PC: variants seen among roughly 807,000 people sequenced by gnomAD.
The protein encoded by PC is pyruvate carboxylase, also known as pyruvate carboxylase, mitochondrial.
Under a neutral mutation model 107.8 loss-of-function variants are expected in PC, and 46 were observed. The observed-to-expected ratio is 0.43, with a 90% CI of 0.34 to 0.55. PC has a LOEUF of 0.55. Ranked by LOEUF, PC falls within the 20% of genes least tolerant of loss-of-function variation. The pLI, the probability that PC is intolerant of heterozygous loss-of-function variation, is 0.04. For synonymous variants in PC, 662 were observed against 684.7 expected (o/e 0.97, Z 0.52); for missense variants, 1,241 against 1,643.1 (o/e 0.76, Z 4.23).
chr11:66,903,280 C>T (rs1280939187), intron 3 of PC, among the ~76,000 whole-genome samples: 1 of 152,076 alleles, frequency 6.6e-6, no homozygotes, highest in Non-Finnish European at 1.5e-5. Flanking sequence ...GAGGGCATGT[C>T]TTATAATAAT....
chr11:66,872,893 C>T (rs1045621274), intron 3 of PC, among the ~76,000 whole-genome samples: 4 of 151,736 alleles, frequency 2.6e-5, no homozygotes, highest in African/African-American at 4.8e-5. Flanking sequence ...AAAAATTAGC[C>T]GGGCATGGTG....
rs1400879942 is a variant in PC at position 66,871,333 on chromosome 11, C to T, written c.469G>A (p.Ala157Thr). 6.2e-7 allele frequency: 1 copy of T among 1,613,858 alleles called. No homozygotes were observed. The highest frequency in any genetic ancestry group is 2.2e-5 in the East Asian group (1 of 44,886). ...TATTCACCCGCAGCAATGGCGATGG[C>T]CCGGGCCTCCACCTTGTCTCCCATC... The part of the protein sequence containing the change: ...RKMGDKVEAR[A>T]IAIAAGVPVV... The change falls in exon 6 of 23, where the codon GCC becomes ACC. Residue 157 changes from alanine to threonine, a missense_variant. Physicochemically the swap from Ala to Thr is moderately conservative, Grantham distance 58. This residue lies in a region of PC where 1,143 missense variants were observed against 1,551.9 expected (regional missense o/e 0.74). Coordinates refer to ENST00000393960, the MANE Select transcript of PC (RefSeq NM_001040716.2). This position sits in a 1 kb window ranked among gnomAD's most constrained non-coding sequence, Gnocchi z 7.4.
intron 3 of PC, among the ~76,000 whole-genome samples, chr11:66,916,213 C>G (rs773212602): frequency 1.3e-5 from 2 of 152,182 alleles, no homozygotes; most frequent in Non-Finnish European, 2.9e-5. Context: ...CTGTAGACAG[C>G]AAGCCTGTCC....
chr11:66,927,379 C>T (rs1166793161), intron 3 of PC, among the ~76,000 whole-genome samples: 1 of 150,342 alleles, frequency 6.7e-6, no homozygotes, highest in African/African-American at 2.5e-5. Flanking sequence ...CACACAGCAG[C>T]CCAGGAATGC....
chr11:66,917,770 G>A (rs907079378), intron 3 of PC, among the ~76,000 whole-genome samples: 1 of 152,206 alleles, frequency 6.6e-6, no homozygotes, highest in African/African-American at 2.4e-5. Flanking sequence ...TAATAACGGA[G>A]AAATTTATCT....
At chr11:66,918,474 C>T (rs1054941322) in intron 3 of PC, among the ~76,000 whole-genome samples, 11 of 151,862 alleles carry the variant, frequency 7.2e-5, no homozygotes, top group Admixed American at 2.0e-4. Flanking sequence ...CTGCAGCCTC[C>T]GCCTCCTGGG....
chr11:66,943,858 C>T (rs1949217207), intron 3 of PC, among the ~76,000 whole-genome samples: 1 of 147,382 alleles, frequency 6.8e-6, no homozygotes, highest in Middle Eastern at 3.6e-3. Context: ...GTGGCAGGCG[C>T]GTGTATTCCC....
chr11:66,868,929 C>G lies in PC; in HGVS notation c.939G>C (p.Leu313=), dbSNP rs1946613368. The change falls in exon 10 of 23, where the codon CTG becomes CTC. Residue 313 remains leucine, a synonymous_variant. Coordinates refer to ENST00000393960, the MANE Select transcript of PC (RefSeq NM_001040716.2). ...AGTAGTGCTTGCCGTGCCTGTCCAC[C>G]AGGAACTCCACGGTGCCTGCGTTCT... The part of the protein sequence containing the change: ...GYENAGTVEF[L]VDRHGKHYFI... 1.9e-6 allele frequency: 3 copies of G among 1,613,832 alleles called. No homozygotes were observed. In the South Asian group the frequency reaches 3.3e-5, roughly 18 times the overall value.
At chr11:66,883,201 G>A (rs1947246303) in intron 3 of PC, among the ~76,000 whole-genome samples, 1 of 152,204 alleles carries the variant, frequency 6.6e-6, no homozygotes. Context: ...CTGGCGCCAT[G>A]GTCTCGGGAC....
intron 3 of PC, among the ~76,000 whole-genome samples, chr11:66,889,905 T>C (rs1947505283): frequency 6.6e-6 from 1 of 151,566 alleles, no homozygotes; most frequent in South Asian, 2.1e-4. Flanking sequence ...ATAAATGATA[T>C]AATCATTTTA....
chr11:66,908,996 G>A (rs1459329046), intron 3 of PC, among the ~76,000 whole-genome samples: 1 of 152,202 alleles, frequency 6.6e-6, no homozygotes, highest in South Asian at 2.1e-4. Flanking sequence ...CCCGGAAGGT[G>A]AGCTCAGAAT....
At position 66,870,180 on chromosome 11, in the gene PC, C is replaced by T; in HGVS notation, c.903+122G>A. ...CCCCAGGAGAGTCCTTCACCCTCTT[C>T]TCCCCATCCCCAGTCCCCAGAAGGG... On this transcript the variant is annotated intron_variant, in intron 9 of 22. Transcript: ENST00000393960. This position sits in a 1 kb window ranked among gnomAD's most constrained non-coding sequence, Gnocchi z 6.1. 1.6e-6 allele frequency: 2 copies of T among 1,235,610 alleles called. No individual in the cohort carries two copies. The highest frequency in any genetic ancestry group is 2.3e-6 in the Non-Finnish European group (2 of 863,526). The allele number at this position is 1,235,610 out of a possible 1,614,324, so 76.5% of individuals were successfully genotyped here.
chr11:66,867,448 A>G (rs1181593079), intron 10 of PC, among the ~76,000 whole-genome samples: 4 of 152,116 alleles, frequency 2.6e-5, no homozygotes, highest in African/African-American at 9.7e-5. Context: ...GGCAGCCTGG[A>G]ACCTACACTG....
In PC at chr11:66,871,914, G is replaced by A. The variant is rs772050752; in HGVS notation, c.137-43C>T. On this transcript the variant is annotated intron_variant, in intron 4 of 22. Transcript: ENST00000393960. This position sits in a 1 kb window ranked among gnomAD's most constrained non-coding sequence, Gnocchi z 7.4. ...AAGAAGTTAGATTCCTAGGTCCTAG[G>A]AGAAGCAGAAAGGGGAGTGGGAAGC... The A allele has an allele frequency of 6.3e-6, 10 of 1,592,728 alleles. No homozygotes were observed. The highest frequency in any genetic ancestry group is 1.3e-5 in the African/African-American group (1 of 74,708).
chr11:66,856,061 GGCGGGCACAGCTGGAA>G (rs1945796002), intron 12 of PC, among the ~76,000 whole-genome samples: 1 of 152,232 alleles, frequency 6.6e-6, no homozygotes, highest in African/African-American at 2.4e-5. Flanking sequence ...CACTGGTGGT[GGCGGGCACAGCTGGAA>G]GGAAACCAGG....
intron 3 of PC, among the ~76,000 whole-genome samples, chr11:66,903,381 T>G (rs867645442): frequency 6.6e-6 from 1 of 152,198 alleles, no homozygotes; most frequent in Non-Finnish European, 1.5e-5. Context: ...ACAAGGCCAG[T>G]ATGATTCTAT....
intron 3 of PC, among the ~76,000 whole-genome samples, chr11:66,907,451 C>T (rs1199468421): frequency 2.0e-5 from 3 of 152,118 alleles, no homozygotes; most frequent in East Asian, 1.9e-4. Flanking sequence ...CGCTTGAACC[C>T]GGGAGGCAGG....
chr11:66,871,299 T>G lies in PC; in HGVS notation c.487+16A>C. ...AGGAGCTGCGGGGCCACCCCTTGCTTGCCCGTTATATTCACCCGCAGCAAT... is the reference window on the plus strand; with the variant it reads ...AGGAGCTGCGGGGCCACCCCTTGCTGGCCCGTTATATTCACCCGCAGCAAT... On this transcript the variant is annotated intron_variant, in intron 6 of 22. Transcript: ENST00000393960. This position sits in a 1 kb window ranked among gnomAD's most constrained non-coding sequence, Gnocchi z 7.4. The G allele has an allele frequency of 6.2e-7, 1 of 1,614,022 alleles. No homozygotes were observed. The highest frequency in any genetic ancestry group is 8.5e-7 in the Non-Finnish European group (1 of 1,180,022).
chr11:66,865,293 G>T (rs954735801), intron 11 of PC, among the ~76,000 whole-genome samples: 3 of 152,218 alleles, frequency 2.0e-5, no homozygotes, highest in Non-Finnish European at 4.4e-5. Flanking sequence ...TCCCCTCACC[G>T]CCCCACACAA....
Sources: gnomAD v4.1 joint callset for allele counts (sites outside exome capture counted in the v4.1 genomes callset) on GRCh38, gnomAD v4.1.1 for gene constraint, gnomAD v4.1.1 regional missense constraint, Gnocchi (gnomAD v3.1) non-coding constraint, MANE v1.5 for transcripts, NCBI Gene and HGNC (gene_info 2026-07-23, HGNC 2026-07-21) for gene names.